Variants in GPATCH2 observed in about 807,000 individuals in gnomAD.
The protein encoded by GPATCH2 is G-patch domain containing 2.
Under a neutral mutation model 58.0 loss-of-function variants are expected in GPATCH2, and 51 were observed. That is an observed-to-expected ratio of 0.88 (90% CI 0.70 to 1.11). GPATCH2 has a LOEUF of 1.11. Ranked by LOEUF, GPATCH2 falls within the 50% of genes most tolerant of loss-of-function variation. GPATCH2 has a pLI of 0.00. For synonymous variants in GPATCH2, 222 were observed against 218.5 expected (o/e 1.02, Z -0.14); for missense variants, 625 against 652.2 (o/e 0.96, Z 0.45).
intron 5 of GPATCH2, among the ~76,000 whole-genome samples, chr1:217,603,556 A>G (rs537009674): frequency 2.6e-5 from 4 of 152,314 alleles, no homozygotes; most frequent in African/African-American, 9.6e-5. Flanking sequence ...TATGGATATT[A>G]AATTTTTATG....
chr1:217,605,544 T>A (rs1336143300), intron 5 of GPATCH2, among the ~76,000 whole-genome samples: 2 of 152,232 alleles, frequency 1.3e-5, no homozygotes, highest in Non-Finnish European at 2.9e-5. Context: ...GTGTAAAATT[T>A]CTATGTAATA....
chr1:217,589,929 G>A (rs1667513065), intron 5 of GPATCH2, among the ~76,000 whole-genome samples: 1 of 151,978 alleles, frequency 6.6e-6, no homozygotes, highest in African/African-American at 2.4e-5. Context: ...TATTTGAAAA[G>A]GAGTTAAGGC....
At chr1:217,583,643 CT>C (rs1446930458) in intron 5 of GPATCH2, among the ~76,000 whole-genome samples, 3 of 146,598 alleles carry the variant, frequency 2.0e-5, no homozygotes, top group Admixed American at 6.8e-5. Context: ...GGGCTGAAAT[CT>C]TTTTTTAAGA....
In GPATCH2 at chr1:217,558,496, C is replaced by T. The variant is rs150544857; in HGVS notation, c.1099-43607G>A. Among the ~76,000 whole-genome samples, 170 of 152,230 alleles carry T rather than the reference C, an allele frequency of 1.1e-3. 1 individual carries two copies. The highest frequency in any genetic ancestry group is 6.8e-3 in the Middle Eastern group (2 of 294). ...TAGACTACATGCATCCAACTGATTACGAAAAAGTCAAGAACCAATCTAAGA... is the reference window on the plus strand; with the variant it reads ...TAGACTACATGCATCCAACTGATTATGAAAAAGTCAAGAACCAATCTAAGA... On this transcript the variant is annotated intron_variant, in intron 5 of 9. Transcript: ENST00000366935.
At chr1:217,616,797 A>T (rs1324879042) in intron 2 of GPATCH2, among the ~76,000 whole-genome samples, 1 of 152,140 alleles carries the variant, frequency 6.6e-6, no homozygotes, top group Non-Finnish European at 1.5e-5. Flanking sequence ...CATATGCTGG[A>T]TGAACAAATA....
chr1:217,550,474 T>C (rs1665293534), intron 5 of GPATCH2, among the ~76,000 whole-genome samples: 1 of 151,842 alleles, frequency 6.6e-6, no homozygotes, highest in South Asian at 2.1e-4. Flanking sequence ...TGAAAAAAAA[T>C]CTAGGAATAG....
chr1:217,530,804 A>C (rs995708954), intron 5 of GPATCH2, among the ~76,000 whole-genome samples: 1 of 152,218 alleles, frequency 6.6e-6, no homozygotes, highest in Admixed American at 6.5e-5. Flanking sequence ...ATTATTAGTG[A>C]CTGTATAGGC....
At chr1:217,439,743 G>A (rs1359582857) in intron 9 of GPATCH2, among the ~76,000 whole-genome samples, 4 of 152,150 alleles carry the variant, frequency 2.6e-5, no homozygotes, top group Non-Finnish European at 2.9e-5. Flanking sequence ...ACACCTCTAC[G>A]CAAATAAACT....
At position 217,460,053 on chromosome 1, in the gene GPATCH2, T is replaced by C. The variant is rs550681829; in HGVS notation, c.1278-10716A>G. ...TTAATACATGTTGGTTTCTTAAGTA[T>C]TGGAATTTATTATCTGAACTACTAC... On this transcript the variant is annotated intron_variant, in intron 8 of 9. Coordinates refer to ENST00000366935, the MANE Select transcript of GPATCH2 (RefSeq NM_018040.5). Among the ~76,000 whole-genome samples the C allele has an allele frequency of 5.3e-5, 8 of 152,312 alleles. No homozygotes were observed. In the South Asian group the frequency reaches 1.7e-3, roughly 32 times the overall value.
At chr1:217,433,320 G>C (rs1227170934) in intron 9 of GPATCH2, among the ~76,000 whole-genome samples, 4 of 148,814 alleles carry the variant, frequency 2.7e-5, no homozygotes, top group Non-Finnish European at 5.9e-5. Context: ...CTGAGTTGTG[G>C]TTACCCAAAT....
chr1:217,589,042 G>A (rs1667471228), intron 5 of GPATCH2, among the ~76,000 whole-genome samples: 1 of 152,152 alleles, frequency 6.6e-6, no homozygotes, highest in African/African-American at 2.4e-5. Flanking sequence ...GGCCATGACA[G>A]CAGAAAGAGG....
intron 8 of GPATCH2, chr1:217,491,434 T>G (rs1363206557): frequency 5.5e-6 from 1 of 180,242 alleles, no homozygotes; most frequent in Non-Finnish European, 1.1e-5. Context: ...GATCTAAAAT[T>G]CAGTAATTAA....
intron 3 of GPATCH2, 24 bp from the exon 4 acceptor site, chr1:217,611,095 C>A (rs1668601659): frequency 6.3e-7 from 1 of 1,588,838 alleles, no homozygotes; most frequent in Non-Finnish European, 8.6e-7. Context: ...AGAAACCCCC[C>A]CCCACCAAAG....
chr1:217,527,371 C>T (rs1663961848), intron 5 of GPATCH2, among the ~76,000 whole-genome samples: 1 of 152,114 alleles, frequency 6.6e-6, no homozygotes, highest in Non-Finnish European at 1.5e-5. Context: ...TGTATAGTCA[C>T]CAGGTGAAGC....
chr1:217,571,999 A>AGG (rs1475287584), intron 5 of GPATCH2, among the ~76,000 whole-genome samples: 25 of 138,818 alleles, frequency 1.8e-4, no homozygotes, highest in African/African-American at 4.1e-4. Context: ...GAAGGAAGGA[A>AGG]AGAAGGAAGG....
intron 5 of GPATCH2, among the ~76,000 whole-genome samples, chr1:217,571,901 G>T (rs1445803148): frequency 6.8e-6 from 1 of 146,436 alleles, no homozygotes; most frequent in African/African-American, 2.5e-5. Flanking sequence ...CTGAGAAACA[G>T]AAAGACAGAA....
At chr1:217,593,802 T>C (rs761345955) in intron 5 of GPATCH2, among the ~76,000 whole-genome samples, 4 of 152,066 alleles carry the variant, frequency 2.6e-5, no homozygotes, top group Non-Finnish European at 5.9e-5. Flanking sequence ...ATGCATTACA[T>C]AGCTAGAATA....
chr1:217,433,281 CAGAGT>C (rs1658632060), intron 9 of GPATCH2, among the ~76,000 whole-genome samples: 1 of 151,250 alleles, frequency 6.6e-6, no homozygotes, highest in African/African-American at 2.4e-5. Context: ...GATGAAACTC[CAGAGT>C]ATAGTAGTGT....
At chr1:217,552,237 T>A (rs1377251063) in intron 5 of GPATCH2, among the ~76,000 whole-genome samples, 1 of 152,134 alleles carries the variant, frequency 6.6e-6, no homozygotes, top group Non-Finnish European at 1.5e-5. Context: ...TAACAGTTAC[T>A]GAAGCAACCT....
Sources: allele counts gnomAD v4.1 joint callset (sites outside exome capture counted in the v4.1 genomes callset), GRCh38; gene constraint gnomAD v4.1.1; transcripts MANE v1.5; gene names NCBI Gene and HGNC (gene_info 2026-07-23, HGNC 2026-07-21).